The following SLC25A20 variants were observed in gnomAD, a reference collection of about 807,000 sequenced individuals.
The protein encoded by SLC25A20 is mitochondrial carnitine/acylcarnitine carrier protein.
In SLC25A20, 29 loss-of-function variants were observed where a neutral mutation model predicts 39.7. The ratio of observed to expected loss-of-function variants is 0.73; its 90% CI spans 0.54 to 1.00. The LOEUF (loss-of-function observed/expected upper bound fraction) is 1.00. Among genes scored for constraint, SLC25A20 ranks in the 50% least tolerant of loss-of-function variants. The pLI, the probability that SLC25A20 is intolerant of heterozygous loss-of-function variation, is 0.00. For missense variants in SLC25A20, 333 were observed against 379.9 expected, an observed-to-expected ratio of 0.88 and a Z score of 1.03; for synonymous variants, 103 against 142.2, an observed-to-expected ratio of 0.72 and a Z score of 1.96.
intron 2 of SLC25A20, among the ~76,000 whole-genome samples, chr3:48,889,234 A>C (rs1162243381): frequency 1.3e-5 from 2 of 151,212 alleles, no homozygotes; most frequent in Admixed American, 1.3e-4. Flanking sequence ...CCCAGGCTGG[A>C]GTGCAATTAG....
chr3:48,858,918 T>C (rs889497865), intron 7 of SLC25A20, among the ~76,000 whole-genome samples, 174 bp downstream of exon 7: 3 of 152,126 alleles, frequency 2.0e-5, no homozygotes, highest in African/African-American at 7.2e-5. Flanking sequence ...GTCATGAAAA[T>C]GAATCTAGGG....
At chr3:48,862,452 C>T (rs1356578023) in intron 5 of SLC25A20, 90 bp downstream of exon 5, 4 of 816,108 alleles carry the variant, frequency 4.9e-6, no homozygotes, top group Non-Finnish European at 8.8e-6. Context: ...GGTGCCAAGG[C>T]TAATCTGGCA....
At chr3:48,883,584 C>G (rs1214495861) in intron 3 of SLC25A20, among the ~76,000 whole-genome samples, 2 of 148,368 alleles carry the variant, frequency 1.3e-5, no homozygotes, top group Non-Finnish European at 3.0e-5. Flanking sequence ...TCCCAGGAGT[C>G]AGGCCTAGGG....
chr3:48,878,964 G>A (rs997147186), intron 4 of SLC25A20, among the ~76,000 whole-genome samples: 5 of 151,838 alleles, frequency 3.3e-5, no homozygotes, highest in South Asian at 2.1e-4. Context: ...CCTGTCTCCC[G>A]GGTTCAAGTG....
chr3:48,858,384 G>A, intron 8 of SLC25A20, 123 bp downstream of exon 8: 2 of 1,406,254 alleles, frequency 1.4e-6, no homozygotes, highest in East Asian at 2.3e-5. Context: ...GGAATGCTCT[G>A]GCTGAAGATA....
At chr3:48,895,424 C>T (rs187447930) in intron 1 of SLC25A20, among the ~76,000 whole-genome samples, 8 of 152,354 alleles carry the variant, frequency 5.3e-5, no homozygotes, top group Non-Finnish European at 1.0e-4. Flanking sequence ...CAGGCGTGAG[C>T]CACCGCGCCC....
At chr3:48,885,119 AAGTT>A (rs1285083837) in intron 2 of SLC25A20, among the ~76,000 whole-genome samples, 3 of 152,178 alleles carry the variant, frequency 2.0e-5, no homozygotes, top group African/African-American at 4.8e-5. Context: ...TAAAAAATAA[AAGTT>A]AGCCAGACGT....
intron 6 of SLC25A20, 57 bp from the exon 7 acceptor site, chr3:48,859,258 A>T: frequency 6.7e-7 from 1 of 1,497,060 alleles, no homozygotes; most frequent in East Asian, 2.3e-5. Context: ...TGGCATTCAG[A>T]CTATCCTGCC....
chr3:48,893,490 G>A (rs1192451659), intron 1 of SLC25A20, among the ~76,000 whole-genome samples: 1 of 151,910 alleles, frequency 6.6e-6, no homozygotes, highest in African/African-American at 2.4e-5. Flanking sequence ...AAACTGTGAT[G>A]GTGCCACTAC....
intron 4 of SLC25A20, among the ~76,000 whole-genome samples, chr3:48,877,064 C>T (rs2083763737): frequency 6.6e-6 from 1 of 152,018 alleles, no homozygotes. Flanking sequence ...CCACTGCACT[C>T]CAGTCTAGGC....
At chr3:48,889,467 C>G (rs542229711) in intron 2 of SLC25A20, among the ~76,000 whole-genome samples, 35 of 152,222 alleles carry the variant, frequency 2.3e-4, no homozygotes, top group Middle Eastern at 3.4e-3. Flanking sequence ...AGACTGATAG[C>G]TTCTCTCAGT....
intron 3 of SLC25A20, among the ~76,000 whole-genome samples, chr3:48,881,451 C>A (rs1326329814): frequency 6.6e-6 from 1 of 152,144 alleles, no homozygotes; most frequent in Non-Finnish European, 1.5e-5. Context: ...CACTCAATGG[C>A]TGCCTGGCCT....
chr3:48,862,320 T>A (rs1190636905), intron 5 of SLC25A20, among the ~76,000 whole-genome samples: 1 of 152,168 alleles, frequency 6.6e-6, no homozygotes, highest in African/African-American at 2.4e-5. Flanking sequence ...CCAACTGTGA[T>A]GCCATGACTT....
chr3:48,857,679 A>G lies in SLC25A20; in HGVS notation c.*31T>C, dbSNP rs763824652. 5 of 1,607,730 alleles carry G rather than the reference A, an allele frequency of 3.1e-6. No individual in the cohort carries two copies. The highest frequency in any genetic ancestry group is 4.3e-6 in the Non-Finnish European group (5 of 1,174,830). On this transcript the variant is annotated 3_prime_UTR_variant, in exon 9 of 9. Coordinates refer to ENST00000319017, the MANE Select transcript of SLC25A20 (RefSeq NM_000387.6). ...CTTCTCCTCAACGACAGCTTCCAGCATCCAGAAGTGAACTTGAGCAGCCTT... is the reference window on the plus strand; with the variant it reads ...CTTCTCCTCAACGACAGCTTCCAGCGTCCAGAAGTGAACTTGAGCAGCCTT...
chr3:48,870,442 A>G (rs2083704953), intron 4 of SLC25A20, among the ~76,000 whole-genome samples: 1 of 152,186 alleles, frequency 6.6e-6, no homozygotes. Flanking sequence ...ATAAAATTAT[A>G]ATATCATTTA....
At chr3:48,893,800 G>A (rs1417526220) in intron 1 of SLC25A20, among the ~76,000 whole-genome samples, 3 of 135,010 alleles carry the variant, frequency 2.2e-5, no homozygotes, top group Non-Finnish European at 4.6e-5. Context: ...AAAGTGCTAC[G>A]ATTACAGATA....
chr3:48,873,215 C>G (rs1477983647), intron 4 of SLC25A20, among the ~76,000 whole-genome samples: 1 of 149,458 alleles, frequency 6.7e-6, no homozygotes, highest in East Asian at 2.0e-4. Flanking sequence ...CAGAGCAAGA[C>G]TCCGTCTCAA....
intron 1 of SLC25A20, among the ~76,000 whole-genome samples, chr3:48,898,304 T>C (rs557603910): frequency 6.6e-6 from 1 of 152,362 alleles, no homozygotes; most frequent in African/African-American, 2.4e-5. Context: ...CTGTCTTTAG[T>C]TGTCTTCCTG....
chr3:48,871,768 CAA>C (rs763884203), intron 4 of SLC25A20, among the ~76,000 whole-genome samples: 16 of 61,900 alleles, frequency 2.6e-4, no homozygotes, highest in Non-Finnish European at 2.3e-4. Flanking sequence ...AACTCCATCT[CAA>C]AAAAAAAAAA....
Sources: allele counts gnomAD v4.1 joint callset (sites outside exome capture counted in the v4.1 genomes callset), GRCh38; gene constraint gnomAD v4.1.1; transcripts MANE v1.5; gene names NCBI Gene and HGNC (gene_info 2026-07-23, HGNC 2026-07-21).